The following GPRC6A variants were observed in gnomAD, a reference collection of about 807,000 sequenced individuals.
The protein encoded by GPRC6A is G protein-coupled receptor family C group 6 member A.
Under a neutral mutation model 47.0 loss-of-function variants are expected in GPRC6A, and 54 were observed. The observed-to-expected ratio is 1.15, with a 90% CI of 0.92 to 1.44. GPRC6A has a LOEUF of 1.44. Ranked by LOEUF, GPRC6A falls within the 40% of genes most tolerant of loss-of-function variation. The pLI, the probability that GPRC6A is intolerant of heterozygous loss-of-function variation, is 0.00. For missense variants in GPRC6A, 1,112 were observed against 1,105.5 expected (o/e 1.01, Z -0.08); for synonymous variants, 347 against 377.1 (o/e 0.92, Z 0.93).
At chr6:116,822,945 C>A (rs1167668018) in intron 1 of GPRC6A, among the ~76,000 whole-genome samples, 1 of 150,824 alleles carries the variant, frequency 6.6e-6, no homozygotes, top group African/African-American at 2.4e-5. Flanking sequence ...CCTCCTAGAC[C>A]TCTGGGCCTG....
rs539074479 is a variant in GPRC6A at position 116,792,971 on chromosome 6, A to T, written c.1952T>A (p.Ile651Asn). Residue 651 changes from isoleucine (I) to asparagine (N), a missense_variant, in exon 6 of 6, where the codon ATT (isoleucine) becomes AAT (asparagine). Ile to Asn is a moderately radical substitution (Grantham distance 149). Coordinates refer to ENST00000310357, the MANE Select transcript of GPRC6A (RefSeq NM_148963.4). ...ACATGTGAAGTCTTGTGGTTCTCCA[A>T]TGAAAAAGCTCGTGCTGGCAAAATT... ...FLNFASTSFF[I>N]GEPQDFTCKT... 2.5e-6 allele frequency: 4 copies of T among 1,614,012 alleles called. No homozygotes were observed. The highest frequency in any genetic ancestry group is 3.4e-6 in the Non-Finnish European group (4 of 1,179,994).
intron 1 of GPRC6A, among the ~76,000 whole-genome samples, chr6:116,828,079 A>G (rs1012575299): frequency 6.6e-6 from 1 of 152,078 alleles, no homozygotes; most frequent in African/African-American, 2.4e-5. Context: ...TACAGATGAG[A>G]AAATATACAC....
chr6:116,822,388 G>C (rs1669234269), intron 1 of GPRC6A, among the ~76,000 whole-genome samples: 1 of 130,140 alleles, frequency 7.7e-6, no homozygotes, highest in South Asian at 2.8e-4. Context: ...TATAAATCAT[G>C]CTGCTATAAA....
Position 116,792,461 on chromosome 6 carries a change from G to GAT in GPRC6A, c.2460_2461dup (p.Ser821TyrfsTer33). On this transcript the variant is annotated frameshift_variant, in exon 6 of 6. Transcript: ENST00000310357. LOFTEE classifies it low-confidence loss of function (END_TRUNC). ...TGTGCAATACAGGATTCCATAGTTA[G>GAT]ATATTAATATGACAATAATCTCCAC... is the stretch of plus-strand genomic sequence containing the variant. 1 of 1,613,586 alleles carries GAT rather than the reference G, an allele frequency of 6.2e-7. No individual in the cohort carries two copies.
intron 1 of GPRC6A, among the ~76,000 whole-genome samples, chr6:116,824,533 G>T (rs538605567): frequency 6.6e-6 from 1 of 152,034 alleles, no homozygotes; most frequent in East Asian, 1.9e-4. Flanking sequence ...AGTCTACCAA[G>T]ATTAAATAAG....
chr6:116,818,273 G>C (rs1056074217), intron 1 of GPRC6A, among the ~76,000 whole-genome samples: 1 of 151,762 alleles, frequency 6.6e-6, no homozygotes, highest in Non-Finnish European at 1.5e-5. Context: ...GGTGGCTCAC[G>C]CCTGTAATCC....
At chr6:116,822,579 G>T (rs2114622588) in intron 1 of GPRC6A, among the ~76,000 whole-genome samples, 1 of 141,626 alleles carries the variant, frequency 7.1e-6, no homozygotes, top group African/African-American at 2.7e-5. Context: ...GATGAAATTG[G>T]AAATCATCAT....
intron 1 of GPRC6A, among the ~76,000 whole-genome samples, chr6:116,818,731 G>C (rs1287221649): frequency 9.3e-5 from 14 of 151,232 alleles, no homozygotes; most frequent in Non-Finnish European, 2.1e-4. Flanking sequence ...AGGGAACAAT[G>C]GGTACCAGCC....
At chr6:116,811,611 T>C (rs1773027082) in intron 1 of GPRC6A, among the ~76,000 whole-genome samples, 1 of 151,852 alleles carries the variant, frequency 6.6e-6, no homozygotes, top group Admixed American at 6.6e-5. Flanking sequence ...TACAAAGAAA[T>C]CTGAAAAACA....
chr6:116,808,698 C>G (rs1224681946), intron 2 of GPRC6A, among the ~76,000 whole-genome samples: 1 of 152,082 alleles, frequency 6.6e-6, no homozygotes, highest in African/African-American at 2.4e-5. Flanking sequence ...CTTTTGGCTT[C>G]TCTTCTTCCT....
intron 5 of GPRC6A, among the ~76,000 whole-genome samples, chr6:116,794,208 C>T (rs1208654134): frequency 1.3e-5 from 2 of 152,116 alleles, no homozygotes; most frequent in African/African-American, 4.8e-5. Context: ...ATTTTGTGTT[C>T]TCTTCTTTAT....
At chr6:116,823,366 C>A (rs1159025237) in intron 1 of GPRC6A, among the ~76,000 whole-genome samples, 6 of 152,098 alleles carry the variant, frequency 3.9e-5, no homozygotes, top group African/African-American at 1.4e-4. Context: ...AAGTTCTTTG[C>A]TAATGCATAG....
At chr6:116,817,981 C>G (rs1162896007) in intron 1 of GPRC6A, among the ~76,000 whole-genome samples, 1 of 152,020 alleles carries the variant, frequency 6.6e-6, no homozygotes. Context: ...AGGAGAACTT[C>G]CCCAATCTAG....
At chr6:116,799,653 T>G (rs543421239) in intron 4 of GPRC6A, among the ~76,000 whole-genome samples, 10 of 151,890 alleles carry the variant, frequency 6.6e-5, no homozygotes, top group Admixed American at 1.3e-4. Flanking sequence ...TTTCAGGGAG[T>G]TTTACTGTAA....
At chr6:116,822,675 C>T (rs1277971467) in intron 1 of GPRC6A, among the ~76,000 whole-genome samples, 2 of 139,880 alleles carry the variant, frequency 1.4e-5, no homozygotes, top group African/African-American at 2.7e-5. Context: ...ATCACATGGA[C>T]ACAGGAAGGG....
chr6:116,817,406 C>T (rs1378975833), intron 1 of GPRC6A, among the ~76,000 whole-genome samples: 1 of 150,746 alleles, frequency 6.6e-6, no homozygotes, highest in African/African-American at 2.4e-5. Context: ...TCATCAAAGA[C>T]CAAAAGTAGA....
intron 4 of GPRC6A, among the ~76,000 whole-genome samples, chr6:116,796,275 C>CA (rs1256111142): frequency 6.8e-6 from 1 of 147,150 alleles, no homozygotes; most frequent in Admixed American, 6.8e-5. Context: ...TGTCTAACTC[C>CA]AAAAAATAAA....
intron 1 of GPRC6A, among the ~76,000 whole-genome samples, chr6:116,817,205 G>A (rs1341998201): frequency 6.6e-6 from 1 of 151,994 alleles, no homozygotes; most frequent in Non-Finnish European, 1.5e-5. Context: ...TGGGCAGACT[G>A]CCTCCTCAAG....
At chr6:116,795,874 GT>G in intron 4 of GPRC6A, 39 bp from the exon 5 acceptor site, 2 of 1,413,290 alleles carry the variant, frequency 1.4e-6, no homozygotes, top group African/African-American at 2.9e-5. Context: ...AAGTAAATTT[GT>G]AAAAAAAATT....
Sources: allele counts gnomAD v4.1 joint callset (sites outside exome capture counted in the v4.1 genomes callset), GRCh38; gene constraint gnomAD v4.1.1; transcripts MANE v1.5; gene names NCBI Gene and HGNC (gene_info 2026-07-23, HGNC 2026-07-21).